RASA3: variants seen among roughly 807,000 people sequenced by gnomAD.
The protein encoded by RASA3 is ras GTPase-activating protein 3.
In RASA3, 73 loss-of-function variants were observed where a neutral mutation model predicts 110.0. That is an observed-to-expected ratio of 0.66 (90% confidence interval 0.55 to 0.81). The LOEUF (loss-of-function observed/expected upper bound fraction) is 0.81, where lower values mean the gene tolerates loss of function less well. Among genes scored for constraint, RASA3 ranks in the 30% least tolerant of loss-of-function variants. The pLI is 0.00. For missense variants in RASA3, 976 were observed against 1,113.2 expected (o/e 0.88, Z 1.75); for synonymous variants, 500 against 451.4 (o/e 1.11, Z -1.37).
chr13:114,079,462 A>C (rs1248920152), intron 1 of RASA3, among the ~76,000 whole-genome samples: 1 of 152,228 alleles, frequency 6.6e-6, no homozygotes, highest in Admixed American at 6.5e-5. Context: ...CAAAACATTC[A>C]AAGGGGCCTA....
At position 113,979,180 on chromosome 13, in the gene RASA3, G is replaced by A. The variant is rs1322541547; in HGVS notation, c.*167C>T. 6.2e-6 allele frequency: 4 copies of A among 641,378 alleles called. No individual in the cohort carries two copies. The Admixed American group carries it at 7.7e-5, about 12-fold the overall frequency. The allele number at this position is 641,378 out of a possible 1,614,324, so 39.7% of individuals were successfully genotyped here. ...GGCTTTCTGCGGAGGGCGTGGCGGT[G>A]GTGGCAGCGGTTCTGGGAGAGGGAA... On this transcript the variant is annotated 3_prime_UTR_variant, in exon 24 of 24. Coordinates refer to ENST00000334062, the MANE Select transcript of RASA3 (RefSeq NM_007368.4).
chr13:114,125,839 G>T (rs962492430), intron 1 of RASA3, among the ~76,000 whole-genome samples: 1 of 151,952 alleles, frequency 6.6e-6, no homozygotes, highest in Non-Finnish European at 1.5e-5. Flanking sequence ...CTGCCTCCCC[G>T]ACCCCCACCA....
At chr13:114,010,125 C>T (rs2053600253) in intron 16 of RASA3, among the ~76,000 whole-genome samples, 3 of 152,308 alleles carry the variant, frequency 2.0e-5, no homozygotes, top group Admixed American at 6.5e-5. Flanking sequence ...AAAGAGCGGT[C>T]GGTGCACCTC....
intron 4 of RASA3, among the ~76,000 whole-genome samples, chr13:114,039,400 G>A (rs998882874): frequency 3.3e-5 from 5 of 151,890 alleles, no homozygotes; most frequent in Middle Eastern, 3.4e-3. Flanking sequence ...GCCCTCCCGC[G>A]TCCCAAGGGC....
chr13:114,087,858 G>A (rs192796098), intron 1 of RASA3, among the ~76,000 whole-genome samples: 136 of 152,382 alleles, frequency 8.9e-4, no homozygotes, highest in South Asian at 2.9e-3. Context: ...AGCCGGGCGC[G>A]GTGGCTCTTG....
intron 4 of RASA3, among the ~76,000 whole-genome samples, chr13:114,032,225 A>C (rs1373417508): frequency 6.6e-6 from 1 of 152,082 alleles, no homozygotes; most frequent in Non-Finnish European, 1.5e-5. Flanking sequence ...CGAACCCTGA[A>C]CCCGGCTCTA....
At chr13:114,030,965 C>G (rs1035621660) in intron 4 of RASA3, among the ~76,000 whole-genome samples, 4 of 142,814 alleles carry the variant, frequency 2.8e-5, no homozygotes, top group Admixed American at 2.1e-4. Flanking sequence ...GTGTGCGTGT[C>G]TGCCTGTGTA....
At chr13:114,069,114 G>A (rs8000665) in intron 2 of RASA3, among the ~76,000 whole-genome samples, 86,850 of 151,986 alleles carry the variant, frequency 0.57, 25,721 homozygotes, top group African/African-American at 0.73. Context: ...CTGGGTCGGT[G>A]ACCTCCTTAG....
chr13:114,121,916 G>A lies in RASA3; in HGVS notation c.55+10519C>T, dbSNP rs977924467. Among the ~76,000 whole-genome samples, 6 of 152,342 alleles carry A rather than the reference G, an allele frequency of 3.9e-5. No individual in the cohort carries two copies. The South Asian group carries it at 6.2e-4, about 16-fold the overall frequency. On this transcript the variant is annotated intron_variant, in intron 1 of 23. Transcript: ENST00000334062. ...AGCCGGGCTAGCAGGTTTGTGGGCC[G>A]AGTGCAGGAGCCTGCTCCCACTGTC... is the stretch of plus-strand genomic sequence containing the variant.
intron 7 of RASA3, among the ~76,000 whole-genome samples, 161 bp from the exon 8 acceptor site, chr13:114,024,516 G>T (rs567231839): frequency 1.3e-5 from 2 of 152,372 alleles, no homozygotes; most frequent in East Asian, 3.9e-4. Context: ...TTCAGGCCTG[G>T]CTTCCTGAGT....
chr13:114,009,344 T>C (rs780853967), intron 17 of RASA3, 43 bp downstream of exon 17: 42 of 1,479,962 alleles, frequency 2.8e-5, no homozygotes, highest in African/African-American at 4.2e-5. Flanking sequence ...CTCCGTCTCC[T>C]GAGCACGGCA....
At chr13:114,018,619 G>A (rs2053846713) in intron 10 of RASA3, 144 bp downstream of exon 10, 13 of 1,079,636 alleles carry the variant, frequency 1.2e-5, no homozygotes, top group South Asian at 1.6e-5. Flanking sequence ...CAGGCATCTG[G>A]ACGGGAAACA....
At chr13:114,062,315 GA>G (rs937121235) in intron 2 of RASA3, among the ~76,000 whole-genome samples, 28 of 151,340 alleles carry the variant, frequency 1.9e-4, no homozygotes, top group African/African-American at 5.3e-4. Context: ...AAAATTCATT[GA>G]GGGGGGGCTC....
chr13:114,018,734 C>T, intron 10 of RASA3, 29 bp downstream of exon 10: 1 of 1,609,348 alleles, frequency 6.2e-7, no homozygotes, highest in Non-Finnish European at 8.5e-7. Context: ...CTCCTGCCCA[C>T]ACCCACAGGC....
chr13:114,130,681 C>T (rs901568344), intron 1 of RASA3, among the ~76,000 whole-genome samples: 4 of 152,202 alleles, frequency 2.6e-5, no homozygotes, highest in Non-Finnish European at 4.4e-5. Context: ...AAAGTCCTGC[C>T]GTGGCCTGAA....
At chr13:114,109,559 A>G (rs567652021) in intron 1 of RASA3, among the ~76,000 whole-genome samples, 2 of 152,324 alleles carry the variant, frequency 1.3e-5, no homozygotes, top group African/African-American at 4.8e-5. Context: ...CTAATCTTCC[A>G]TACAGATCAG....
rs537331881 is a variant in RASA3, at chr13:114,051,084, C to A, written c.277+968G>T. Among the ~76,000 whole-genome samples the A allele has an allele frequency of 2.6e-4, 39 of 152,330 alleles. 2 individuals are homozygous for A. In the East Asian group the frequency reaches 7.0e-3, roughly 27 times the overall value. On this transcript the variant is annotated intron_variant, in intron 3 of 23. Coordinates refer to ENST00000334062, the MANE Select transcript of RASA3 (RefSeq NM_007368.4). ...GGACCGGGACCCCGCCCACGCACAG[C>A]ACCCTCGTGGCCTCGCTGGCCTCCT... is the stretch of plus-strand genomic sequence containing the variant.
chr13:113,980,116 G>T (rs1247164168), intron 23 of RASA3, among the ~76,000 whole-genome samples: 1 of 132,676 alleles, frequency 7.5e-6, no homozygotes, highest in Non-Finnish European at 1.6e-5. Context: ...TCTCGCATGT[G>T]TGCACCTCCT....
chr13:114,078,758 G>A (rs770636502), intron 1 of RASA3, among the ~76,000 whole-genome samples: 4 of 152,258 alleles, frequency 2.6e-5, no homozygotes, highest in Non-Finnish European at 5.9e-5. Flanking sequence ...CTGGGCCATG[G>A]AGGGAAGCTG....
Sources: allele counts gnomAD v4.1 joint callset (sites outside exome capture counted in the v4.1 genomes callset), GRCh38; gene constraint gnomAD v4.1.1; transcripts MANE v1.5; gene names NCBI Gene and HGNC (gene_info 2026-07-23, HGNC 2026-07-21).